CCSER1: variants seen among roughly 807,000 people sequenced by gnomAD.
CCSER1 encodes the protein serine-rich coiled-coil domain-containing protein 1.
CCSER1 carries 41 observed loss-of-function variants against 82.0 expected under a neutral mutation model. The observed-to-expected ratio is 0.50, with a 90% CI of 0.39 to 0.65. CCSER1 has a LOEUF of 0.65. Ranked by LOEUF, CCSER1 falls within the 30% of genes least tolerant of loss-of-function variation. The pLI is 0.00. For missense variants in CCSER1, 1,119 were observed against 1,064.2 expected, an observed-to-expected ratio of 1.05 and a Z score of -0.72; for synonymous variants, 414 against 383.9, an observed-to-expected ratio of 1.08 and a Z score of -0.92.
chr4:90,476,287 C>G lies in CCSER1; in HGVS notation c.1724+7933C>G, dbSNP rs138800894. On this transcript the variant is annotated intron_variant, in intron 5 of 10. Coordinates refer to ENST00000509176, the MANE Select transcript of CCSER1 (RefSeq NM_001145065.2). ...AGCTCCCACCACTAGGAGACTATGCCTTCACCACTCACTCTGTCCAGAAAT... is the reference window on the plus strand; with the variant it reads ...AGCTCCCACCACTAGGAGACTATGCGTTCACCACTCACTCTGTCCAGAAAT... 3.0e-4 allele frequency among the ~76,000 whole-genome samples: 46 copies of G among 152,220 alleles called. No individual in the cohort carries two copies. In the East Asian group the frequency reaches 8.9e-3, roughly 29 times the overall value.
chr4:91,589,422 G>A (rs957594978), intron 10 of CCSER1, among the ~76,000 whole-genome samples: 9 of 151,808 alleles, frequency 5.9e-5, no homozygotes, highest in South Asian at 4.1e-4. Context: ...AAGCCACAGC[G>A]ATTGGCTATA....
chr4:90,730,363 G>A (rs753279138), intron 7 of CCSER1, among the ~76,000 whole-genome samples: 14 of 152,190 alleles, frequency 9.2e-5, no homozygotes, highest in Non-Finnish European at 1.9e-4. Flanking sequence ...CCCTGGAAGA[G>A]CCCATTATGG....
At chr4:91,503,514 T>C (rs1759328365) in intron 10 of CCSER1, among the ~76,000 whole-genome samples, 2 of 152,070 alleles carry the variant, frequency 1.3e-5, no homozygotes, top group South Asian at 2.1e-4. Context: ...TACTGTTAAT[T>C]TTGATGAATT....
At chr4:90,884,082 A>AG (rs746606955) in intron 8 of CCSER1, among the ~76,000 whole-genome samples, 7 of 152,098 alleles carry the variant, frequency 4.6e-5, no homozygotes, top group Non-Finnish European at 1.0e-4. Context: ...GTTCAATTTT[A>AG]AGTATCTAAG....
chr4:90,720,740 G>T (rs1392143233), intron 6 of CCSER1, among the ~76,000 whole-genome samples: 1 of 151,960 alleles, frequency 6.6e-6, no homozygotes, highest in Non-Finnish European at 1.5e-5. Context: ...TCAAAATGAA[G>T]AAGATAATAC....
intron 10 of CCSER1, among the ~76,000 whole-genome samples, chr4:91,585,104 A>T (rs76087208): frequency 0.034 from 5,120 of 151,618 alleles, 183 homozygotes; most frequent in South Asian, 0.16. Context: ...AATGTAGACA[A>T]CTTACATACA....
At chr4:90,740,496 C>A (rs970177346) in intron 7 of CCSER1, among the ~76,000 whole-genome samples, 1 of 152,052 alleles carries the variant, frequency 6.6e-6, no homozygotes. Context: ...ACATAGTAGA[C>A]CTCTGGGAAA....
chr4:90,404,627 C>T lies in CCSER1; in HGVS notation c.1603+4498C>T, dbSNP rs535454689. On this transcript the variant is annotated intron_variant, in intron 4 of 10. Transcript: ENST00000509176. ...AGAGTCCACTTCACTCCCCTGCTAC[C>T]TCCACCAGAGCAGGTGCTAGTATCC... Among the ~76,000 whole-genome samples, 4 of 152,320 alleles carry T rather than the reference C, an allele frequency of 2.6e-5. No individual in the cohort carries two copies. The East Asian group carries it at 7.7e-4, about 29-fold the overall frequency.
At chr4:91,152,060 T>C (rs991223063) in intron 10 of CCSER1, among the ~76,000 whole-genome samples, 1 of 152,198 alleles carries the variant, frequency 6.6e-6, no homozygotes, top group African/African-American at 2.4e-5. Context: ...ATCTGTCTCA[T>C]GTTGACAGTG....
chr4:91,414,718 GA>G (rs749205062), intron 10 of CCSER1, among the ~76,000 whole-genome samples: 5 of 151,970 alleles, frequency 3.3e-5, no homozygotes, highest in Non-Finnish European at 7.4e-5. Context: ...CAAAATGACT[GA>G]AAAACAAAAC....
intron 10 of CCSER1, among the ~76,000 whole-genome samples, chr4:91,137,041 A>G (rs573483921): frequency 4.5e-4 from 66 of 147,704 alleles, no homozygotes; most frequent in African/African-American, 1.5e-3. Context: ...TTTAAGTTTT[A>G]GGGTACATGT....
At chr4:90,183,312 C>T (rs1013446869) in intron 1 of CCSER1, among the ~76,000 whole-genome samples, 7 of 152,022 alleles carry the variant, frequency 4.6e-5, no homozygotes, top group African/African-American at 1.7e-4. Context: ...CGGTTTTAAC[C>T]ATCTTGCAGG....
chr4:90,320,392 T>C (rs913605037), intron 3 of CCSER1, among the ~76,000 whole-genome samples: 1 of 152,196 alleles, frequency 6.6e-6, no homozygotes, highest in Non-Finnish European at 1.5e-5. Context: ...CTGATAAAGC[T>C]CTGGCTTTTT....
At chr4:91,407,624 G>C (rs1467285641) in intron 10 of CCSER1, among the ~76,000 whole-genome samples, 2 of 152,202 alleles carry the variant, frequency 1.3e-5, no homozygotes, top group African/African-American at 4.8e-5. Context: ...TTCTGCTTCT[G>C]ATGCGGGAGC....
intron 1 of CCSER1, among the ~76,000 whole-genome samples, chr4:90,240,459 C>T (rs1219084597): frequency 2.6e-5 from 4 of 152,164 alleles, no homozygotes; most frequent in Non-Finnish European, 5.9e-5. Flanking sequence ...AATGTCCTCA[C>T]ACCTCTACCC....
chr4:90,432,402 A>T (rs1758400977), intron 4 of CCSER1, among the ~76,000 whole-genome samples: 1 of 152,144 alleles, frequency 6.6e-6, no homozygotes, highest in Non-Finnish European at 1.5e-5. Flanking sequence ...TCCAGTTCTG[A>T]CACTAACTTT....
chr4:91,309,350 G>A (rs201331966), intron 10 of CCSER1, among the ~76,000 whole-genome samples: 11 of 57,896 alleles, frequency 1.9e-4, no homozygotes, highest in African/African-American at 7.3e-4. Context: ...CTGTAAAAAT[G>A]TATGTGTGTG....
At chr4:91,484,561 A>G (rs1220987835) in intron 10 of CCSER1, among the ~76,000 whole-genome samples, 2 of 152,172 alleles carry the variant, frequency 1.3e-5, no homozygotes, top group Non-Finnish European at 2.9e-5. Context: ...TTTTAGGTAA[A>G]CATTGCCTAA....
At chr4:91,102,722 G>C (rs756130090) in intron 10 of CCSER1, among the ~76,000 whole-genome samples, 1 of 152,172 alleles carries the variant, frequency 6.6e-6, no homozygotes, top group Non-Finnish European at 1.5e-5. Context: ...GTTTTTGTGT[G>C]TGCAACTGAT....
Sources: allele counts gnomAD v4.1 joint callset (sites outside exome capture counted in the v4.1 genomes callset), GRCh38; gene constraint gnomAD v4.1.1; transcripts MANE v1.5; gene names NCBI Gene and HGNC (gene_info 2026-07-23, HGNC 2026-07-21).